Variants in SLC28A1 observed in about 807,000 individuals in gnomAD.
The protein encoded by SLC28A1 is sodium/nucleoside cotransporter 1.
In SLC28A1, 64 loss-of-function variants were observed where a neutral mutation model predicts 74.8. The observed-to-expected ratio is 0.86, with a 90% CI of 0.70 to 1.05. The LOEUF is 1.05. SLC28A1 is among the 50% of genes least tolerant of loss of function. The pLI is 0.00. For synonymous variants in SLC28A1, 359 were observed against 335.0 expected (o/e 1.07, Z -0.78); for missense variants, 828 against 822.8 (o/e 1.01, Z -0.08).
the SLC28A1 span, among the ~76,000 whole-genome samples, chr15:84,961,296 C>A: frequency 1.3e-5 from 2 of 151,512 alleles, no homozygotes; most frequent in African/African-American, 4.9e-5. Flanking sequence ...AGAGCCGCAG[C>A]AACCTCAGGT....
intron 1 of SLC28A1, among the ~76,000 whole-genome samples, chr15:84,885,441 T>C (rs1263403819): frequency 6.7e-6 from 1 of 149,970 alleles, no homozygotes; most frequent in African/African-American, 2.5e-5. Context: ...AAAAAAAAAG[T>C]GGAGAAAAGG....
At chr15:84,890,408 C>A in intron 4 of SLC28A1, 35 bp from the exon 5 acceptor site, 1 of 1,493,358 alleles carries the variant, frequency 6.7e-7, no homozygotes, top group Non-Finnish European at 9.2e-7. Context: ...GGGGTCTGCT[C>A]ATGCACTCAT....
At chr15:84,975,463 G>C in the SLC28A1 span, 2 of 455,868 alleles carry the variant, frequency 4.4e-6, no homozygotes, top group Non-Finnish European at 8.8e-6. Context: ...TTTATTTCTA[G>C]TTCCATTAGT....
rs752847275 is a variant in SLC28A1 at position 84,894,916 on chromosome 15, C to A, written c.278-24C>A. ...GAAGAGGTGGTGTCCTGGCTGTTGA[C>A]CCCTCCTCTGTCTCATCCCCCAGGG... On this transcript the variant is annotated intron_variant, in intron 5 of 18. Transcript: ENST00000394573. 2.5e-6 allele frequency: 4 copies of A among 1,612,640 alleles called. No homozygotes were observed. The South Asian group carries it at 3.3e-5, about 13-fold the overall frequency.
chr15:84,963,066 C>T, the SLC28A1 span, among the ~76,000 whole-genome samples: 78 of 152,294 alleles, frequency 5.1e-4, 1 homozygote, highest in Admixed American at 5.1e-3. Flanking sequence ...ACCCTGGGAC[C>T]TTGGCAAAAT....
At chr15:84,931,113 C>G (rs1486726923) in intron 12 of SLC28A1, among the ~76,000 whole-genome samples, 21 of 151,738 alleles carry the variant, frequency 1.4e-4, no homozygotes, top group Non-Finnish European at 1.5e-5. Flanking sequence ...ACCATGTTGG[C>G]TAGGCTGGTC....
intron 17 of SLC28A1, 26 bp from the exon 18 acceptor site, chr15:84,944,730 C>A: frequency 4.2e-3 from 1 of 240 alleles, no homozygotes; most frequent in Non-Finnish European, 4.6e-3. Context: ...GGGGGCCCTG[C>A]CCCACCCACC....
At position 84,890,544 on chromosome 15, in the gene SLC28A1, G is replaced by A; in HGVS notation, c.277+10G>A. ...GGCCTGCTCTGCACTGGTGAGCCTG[G>A]GGCCCAGCACTACCCAGGACACAAT... On this transcript the variant is annotated intron_variant, in intron 5 of 18. Coordinates refer to ENST00000394573, the MANE Select transcript of SLC28A1 (RefSeq NM_004213.5). 6.2e-7 allele frequency: 1 copy of A among 1,603,302 alleles called. No individual in the cohort carries two copies. The highest frequency in any genetic ancestry group is 1.3e-5 in the African/African-American group (1 of 74,900).
Position 84,928,559 on chromosome 15 carries a change from T to G in SLC28A1, c.1083+4449T>G, listed in dbSNP as rs1387086995. 1.6e-3 allele frequency among the ~76,000 whole-genome samples: 37 copies of G among 23,388 alleles called. 8 individuals carry two copies. The highest frequency in any genetic ancestry group is 5.4e-3 in the South Asian group (2 of 368). 15.3% of individuals were successfully genotyped at this position (23,388 alleles called of 152,430 possible). ...CTTTCTTTCTTTCTTTCTTTCTTTC[T>G]TTCTTTCTTTCTTTCTTTCTTTCTT... On this transcript the variant is annotated intron_variant, in intron 12 of 18. Transcript: ENST00000394573.
intron 15 of SLC28A1, among the ~76,000 whole-genome samples, chr15:84,943,000 CAT>C (rs1210120410): frequency 6.6e-6 from 1 of 152,118 alleles, no homozygotes; most frequent in Non-Finnish European, 1.5e-5. Flanking sequence ...GCCTGCCCAA[CAT>C]GGCGAAACCC....
chr15:84,915,780 C>G (rs186346505), intron 9 of SLC28A1, among the ~76,000 whole-genome samples: 53 of 152,274 alleles, frequency 3.5e-4, no homozygotes, highest in African/African-American at 1.3e-3. Context: ...CGTCCTCCAG[C>G]CCTTGGCTAT....
rs1431132148 is a variant in SLC28A1, at chr15:84,944,651, C to A, written c.1749C>A (p.Asn583Lys). ...LFTGACVSLV[N>K]ACMAGILYMP... Reference sequence around the variant, plus strand: ...CGGGAGCCTGTGTGTCCCTGGTGAACGCCTGTATGGCAGGTGAGTGCAGGC... The same window carrying A: ...CGGGAGCCTGTGTGTCCCTGGTGAAAGCCTGTATGGCAGGTGAGTGCAGGC... The change falls in exon 17 of 19, where the codon AAC (asparagine) becomes AAA (lysine). Residue 583 changes from asparagine (N) to lysine (K), a missense_variant. Asn to Lys is a moderately conservative substitution (Grantham distance 94, BLOSUM62 0). Coordinates refer to ENST00000394573, the MANE Select transcript of SLC28A1 (RefSeq NM_004213.5). 3 of 1,613,428 alleles carry A rather than the reference C, an allele frequency of 1.9e-6. No individual in the cohort carries two copies. The highest frequency in any genetic ancestry group is 2.2e-5 in the East Asian group (1 of 44,860).
chr15:84,947,196 C>G (rs1455130627), downstream of SLC28A1, among the ~76,000 whole-genome samples: 1 of 152,238 alleles, frequency 6.6e-6, no homozygotes, highest in African/African-American at 2.4e-5. Flanking sequence ...TGGCCTGACT[C>G]CTGTAGCTCC....
rs760090743 is a variant in SLC28A1, at chr15:84,895,110, C to A, written c.448C>A (p.Leu150Ile). 56 of 1,613,864 alleles carry A rather than the reference C, an allele frequency of 3.5e-5. 1 individual carries two copies. In the Admixed American group the frequency reaches 7.3e-4, roughly 21 times the overall value. ...LKPQGHPRLLLWFKRGLALAA... is the reference protein window; with the variant it reads ...LKPQGHPRLLIWFKRGLALAA... Reference sequence around the variant, plus strand: ...GCCTCAGGGCCATCCCCGCCTGCTGCTCTGGTTTAAGAGGTGAGTGAGCTC... The same window carrying A: ...GCCTCAGGGCCATCCCCGCCTGCTGATCTGGTTTAAGAGGTGAGTGAGCTC... The change falls in exon 6 of 19, where the codon CTC (leucine) becomes ATC (isoleucine). Residue 150 changes from leucine (L) to isoleucine (I), a missense_variant. By Grantham distance (5) the Leu-to-Ile change is conservative. Transcript: ENST00000394573.
chr15:84,948,984 C>T (rs1187595694), downstream of SLC28A1, among the ~76,000 whole-genome samples: 1 of 152,140 alleles, frequency 6.6e-6, no homozygotes, highest in Non-Finnish European at 1.5e-5. Context: ...TGTCCTTTTT[C>T]CTACTTACCA....
At chr15:84,885,731 CAAA>C (rs34688568) in intron 1 of SLC28A1, among the ~76,000 whole-genome samples, 4 of 104,360 alleles carry the variant, frequency 3.8e-5, no homozygotes, top group African/African-American at 7.2e-5. Context: ...AACTCCGTCT[CAAA>C]AAAAAAAAAA....
At chr15:84,895,478 GA>G in intron 6 of SLC28A1, 1 of 1,610,116 alleles carries the variant, frequency 6.2e-7, no homozygotes, top group Admixed American at 1.7e-5. Flanking sequence ...CCTGGAGGGG[GA>G]TTCAGCAGGC....
the SLC28A1 span, among the ~76,000 whole-genome samples, chr15:84,969,382 G>A: frequency 6.6e-6 from 1 of 152,230 alleles, no homozygotes; most frequent in Non-Finnish European, 1.5e-5. Context: ...TCACGCTGAA[G>A]AAGGAAGAGA....
chr15:84,906,508 G>GTTTCTTTCTTTCTTTC (rs1555447134), intron 8 of SLC28A1, among the ~76,000 whole-genome samples: 5 of 54,684 alleles, frequency 9.1e-5, no homozygotes, highest in African/African-American at 2.9e-4. Context: ...TGGTTTGTTT[G>GTTTCTTTCTTTCTTTC]TTTGTTTGTT....
Sources: allele counts gnomAD v4.1 joint callset (sites outside exome capture counted in the v4.1 genomes callset), GRCh38; gene constraint gnomAD v4.1.1; transcripts MANE v1.5; gene names NCBI Gene and HGNC (gene_info 2026-07-23, HGNC 2026-07-21).